The following TMC8 variants were observed in gnomAD, a reference collection of about 807,000 sequenced individuals.
TMC8 encodes transmembrane channel-like protein 8.
In TMC8, 71 loss-of-function variants were observed where a neutral mutation model predicts 76.0. The observed-to-expected ratio is 0.93, with a 90% CI of 0.77 to 1.14. The LOEUF (loss-of-function observed/expected upper bound fraction) is 1.14, where lower values mean the gene tolerates loss of function less well. Ranked by LOEUF, TMC8 falls within the 50% of genes most tolerant of loss-of-function variation. TMC8 has a pLI of 0.00. For missense variants in TMC8, 924 were observed against 947.9 expected, an observed-to-expected ratio of 0.97 and a Z score of 0.33; for synonymous variants, 433 against 433.8, an observed-to-expected ratio of 1.00 and a Z score of 0.02.
At position 78,138,703 on chromosome 17, in the gene TMC8, C is replaced by G; in HGVS notation, c.1794C>G (p.Ala598=). 6.2e-7 allele frequency: 1 copy of G among 1,611,388 alleles called. No homozygotes were observed. The highest frequency in any genetic ancestry group is 8.5e-7 in the Non-Finnish European group (1 of 1,180,014). Residue 598 remains alanine, a synonymous_variant, in exon 14 of 16, where the codon GCC becomes GCG. Coordinates refer to ENST00000318430, the MANE Select transcript of TMC8 (RefSeq NM_152468.5). ...QRALHYLGSH[A]FSFPLLIMLS... Reference sequence around the variant, plus strand: ...CCCTCCACTACCTGGGCTCCCACGCCTTCAGCTTCCCCCTCCTCATCATGC... The same window carrying G: ...CCCTCCACTACCTGGGCTCCCACGCGTTCAGCTTCCCCCTCCTCATCATGC...
Position 78,141,003 on chromosome 17 carries a change from C to T in TMC8, c.2072C>T (p.Pro691Leu). 2 of 1,593,900 alleles carry T rather than the reference C, an allele frequency of 1.3e-6. No homozygotes were observed. The highest frequency in any genetic ancestry group is 1.7e-6 in the Non-Finnish European group (2 of 1,171,424). The stretch of plus-strand genomic sequence containing the variant: ...TCCCCGGGCCACCAGGCCCCGCGGC[C>T]GGGCCCCTCCGTCGTGGATGCCGCG... ...PGSPGHQAPR[P>L]GPSVVDAAGL... is the part of the protein sequence containing the mutation. The change falls in exon 16 of 16, where the codon CCG (proline) becomes CTG (leucine). Residue 691 changes from proline to leucine, a missense_variant. Coordinates refer to ENST00000318430, the MANE Select transcript of TMC8 (RefSeq NM_152468.5).
intron 14 of TMC8, 110 bp from the exon 15 acceptor site, chr17:78,139,052 G>A: frequency 6.3e-7 from 1 of 1,581,764 alleles, no homozygotes; most frequent in South Asian, 1.1e-5. Context: ...TGTGCAGTGA[G>A]AAGACCCCAG....
chr17:78,135,926 C>G (rs533529098), intron 9 of TMC8, among the ~76,000 whole-genome samples: 1 of 152,206 alleles, frequency 6.6e-6, no homozygotes, highest in African/African-American at 2.4e-5. Flanking sequence ...TGGTGGTGCA[C>G]ACCTGTAATC....
chr17:78,135,315 G>A (rs1372651943), intron 9 of TMC8, among the ~76,000 whole-genome samples: 3 of 152,164 alleles, frequency 2.0e-5, no homozygotes, highest in Non-Finnish European at 4.4e-5. Context: ...CCAGCAACAC[G>A]GGACATGCAG....
intron 3 of TMC8, 28 bp downstream of exon 3, chr17:78,132,058 C>G (rs1334601590): frequency 6.5e-7 from 1 of 1,534,842 alleles, no homozygotes; most frequent in South Asian, 1.2e-5. Flanking sequence ...CGCACCTCCC[C>G]TTGCCCTCTC....
intron 2 of TMC8, 62 bp downstream of exon 2, chr17:78,131,799 A>G (rs1306356729): frequency 6.6e-7 from 1 of 1,509,134 alleles, no homozygotes; most frequent in Non-Finnish European, 8.9e-7. Context: ...GCCCCGTCGG[A>G]TGGTGTGGGA....
Position 78,132,006 on chromosome 17 carries a change from G to T in TMC8, c.274G>T (p.Glu92Ter). ...GCTGGCCCGGGGCCTTGGGCTCTGG[G>T]AGGGGGCGCTCTACGAGATCGGGGG... ...QRLARGLGLW[E>*]GALYEIGGLF... Residue 92 changes from glutamate (E) to a stop codon, truncating the protein, a stop_gained, in exon 3 of 16, where the codon GAG becomes TAG. Transcript: ENST00000318430. LOFTEE classifies it high-confidence loss of function. 6.5e-7 allele frequency: 1 copy of T among 1,532,988 alleles called. No homozygotes were observed. The highest frequency in any genetic ancestry group is 8.7e-7 in the Non-Finnish European group (1 of 1,145,600). The allele number at this position is 1,532,988 out of a possible 1,614,324, so 95.0% of individuals were successfully genotyped here. A position where few individuals can be genotyped will look rare whatever the true frequency, so the allele number is the denominator to read the frequency against.
At chr17:78,138,780 G>T (rs774078385) in intron 14 of TMC8, 48 bp downstream of exon 14, 71 of 1,598,436 alleles carry the variant, frequency 4.4e-5, no homozygotes, top group Non-Finnish European at 5.7e-5. Flanking sequence ...GGAGGGGGAG[G>T]TCCTTCCTTC....
chr17:78,137,919 G>A (rs2075276112), intron 11 of TMC8, 86 bp from the exon 12 acceptor site: 1 of 1,601,174 alleles, frequency 6.2e-7, no homozygotes, highest in African/African-American at 1.3e-5. Context: ...TGGAGCCCGG[G>A]AGTAAGTGGC....
chr17:78,140,476 G>T (rs568848355), intron 15 of TMC8, among the ~76,000 whole-genome samples: 114 of 152,170 alleles, frequency 7.5e-4, no homozygotes, highest in African/African-American at 2.6e-3. Flanking sequence ...CTCTTAGCGG[G>T]CGTGGTCTAG....
Position 78,141,206 on chromosome 17 carries a change from G to T in TMC8, c.*94G>T, listed in dbSNP as rs1402361700. The stretch of plus-strand genomic sequence containing the variant: ...CCTGGCGACCACCGCCCCTCTCAGT[G>T]GCTCCAGGGCCTCCCTCAGAGGTCC... On this transcript the variant is annotated 3_prime_UTR_variant, in exon 16 of 16. Transcript: ENST00000318430. 1.6e-6 allele frequency: 1 copy of T among 644,750 alleles called. No homozygotes were observed. The allele number at this position is 644,750 out of a possible 1,614,324, so 39.9% of individuals were successfully genotyped here.
rs538626123 is a variant in TMC8, at chr17:78,137,971, A to G, written c.1350-34A>G. 52 of 1,612,560 alleles carry G rather than the reference A, an allele frequency of 3.2e-5. No individual in the cohort carries two copies. In the South Asian group the frequency reaches 5.4e-4, roughly 17 times the overall value. On this transcript the variant is annotated intron_variant, in intron 11 of 15. Transcript: ENST00000318430. ...CAATACAGCCCACGCATCTGTCTGG[A>G]GTGGTGAGTACCTGGACCCTCCCAT...
In TMC8 at chr17:78,137,767, C is replaced by A. The variant is rs769755409; in HGVS notation, c.1302C>A (p.Asn434Lys). 1 of 1,613,694 alleles carries A rather than the reference C, an allele frequency of 6.2e-7. No individual in the cohort carries two copies. The highest frequency in any genetic ancestry group is 8.5e-7 in the Non-Finnish European group (1 of 1,180,026). Residue 434 changes from asparagine to lysine, a missense_variant, in exon 11 of 16, where the codon AAC (asparagine) becomes AAA (lysine). Asn to Lys is a moderately conservative substitution (Grantham distance 94). Coordinates refer to ENST00000318430, the MANE Select transcript of TMC8 (RefSeq NM_152468.5). ...AGCTGTACAAGCTGAGTATCTTCAACTTCCTCCTCACCGTGGCCTTCGCCT... is the reference window on the plus strand; with the variant it reads ...AGCTGTACAAGCTGAGTATCTTCAAATTCCTCCTCACCGTGGCCTTCGCCT... ...GEELYKLSIF[N>K]FLLTVAFAFL...
Position 78,138,585 on chromosome 17 carries a change from C to A in TMC8, c.1676C>A (p.Ser559Tyr). The part of the protein sequence containing the change: ...LGYVVSSIHS[S>Y]WDCGLFTNYS... ...CCATCTCTCGCCAGCATCCACTCCTCCTGGGACTGCGGCCTCTTCACCAAC... is the reference window on the plus strand; with the variant it reads ...CCATCTCTCGCCAGCATCCACTCCTACTGGGACTGCGGCCTCTTCACCAAC... Residue 559 changes from serine (S) to tyrosine (Y), a missense_variant, in exon 14 of 16, where the codon TCC (serine) becomes TAC (tyrosine). Transcript: ENST00000318430. 3.1e-6 allele frequency: 5 copies of A among 1,613,936 alleles called. No individual in the cohort carries two copies. The highest frequency in any genetic ancestry group is 4.2e-6 in the Non-Finnish European group (5 of 1,180,026).
chr17:78,137,566 A>C, intron 10 of TMC8, 151 bp from the exon 11 acceptor site: 4 of 1,117,646 alleles, frequency 3.6e-6, no homozygotes, highest in Non-Finnish European at 5.4e-6. Context: ...TTCCTGCTCT[A>C]ATCCCATCCT....
chr17:78,138,273 C>A (rs953249871), intron 12 of TMC8, 76 bp from the exon 13 acceptor site: 2 of 1,612,016 alleles, frequency 1.2e-6, no homozygotes, highest in Non-Finnish European at 1.7e-6. Flanking sequence ...CCTGCTCCTG[C>A]CCCCTTCCCT....
chr17:78,137,873 G>A (rs2145707397), intron 11 of TMC8, 59 bp downstream of exon 11: 1 of 1,600,296 alleles, frequency 6.2e-7, no homozygotes, highest in African/African-American at 1.3e-5. Flanking sequence ...GTTGGGGGTG[G>A]CCAGTGGCTA....
chr17:78,134,952 T>A lies in TMC8; in HGVS notation c.1070T>A (p.Phe357Tyr). The change falls in exon 9 of 16, where the codon TTT becomes TAT. Residue 357 changes from phenylalanine to tyrosine, a missense_variant. Transcript: ENST00000318430. ...VNFLGPLLFT[F>Y]LVQLENYPPN... ...TTCCTGGGTCCCCTGCTGTTCACAT[T>A]TCTGGTCCAGCTGGAGAACTACCCT... 1.1e-5 allele frequency: 18 copies of A among 1,614,082 alleles called. No homozygotes were observed. The highest frequency in any genetic ancestry group is 1.5e-5 in the Non-Finnish European group (18 of 1,179,962).
At chr17:78,131,231 T>C in intron 1 of TMC8, 50 bp from the exon 2 acceptor site, 1 of 404,220 alleles carries the variant, frequency 2.5e-6, no homozygotes, top group Non-Finnish European at 4.6e-6. Flanking sequence ...TCTTTGCCTG[T>C]GCCGGTCCAG....
Sources: allele counts gnomAD v4.1 joint callset (sites outside exome capture counted in the v4.1 genomes callset), GRCh38; gene constraint gnomAD v4.1.1; transcripts MANE v1.5; gene names NCBI Gene and HGNC (gene_info 2026-07-23, HGNC 2026-07-21).